The following PXDNL variants were observed in gnomAD, a reference collection of about 807,000 sequenced individuals.
PXDNL encodes probable oxidoreductase PXDNL.
In PXDNL, 145 loss-of-function variants were observed where a neutral mutation model predicts 150.8. That is an observed-to-expected ratio of 0.96 (90% CI 0.84 to 1.10). PXDNL has a LOEUF of 1.10. Among genes scored for constraint, PXDNL ranks in the 50% least tolerant of loss-of-function variants. The pLI, the probability that PXDNL is intolerant of heterozygous loss-of-function variation, is 0.00. For synonymous variants in PXDNL, 757 were observed against 725.7 expected (o/e 1.04, Z -0.69); for missense variants, 2,087 against 1,873.9 (o/e 1.11, Z -2.10).
At chr8:51,609,138 A>C (rs1813942587) in intron 2 of PXDNL, among the ~76,000 whole-genome samples, 1 of 152,248 alleles carries the variant, frequency 6.6e-6, no homozygotes, top group Admixed American at 6.5e-5. Flanking sequence ...TGCAAGGAGC[A>C]GTATTTAATA....
intron 14 of PXDNL, among the ~76,000 whole-genome samples, chr8:51,415,252 G>T (rs527542632): frequency 6.6e-6 from 1 of 152,308 alleles, no homozygotes; most frequent in South Asian, 2.1e-4. Context: ...AAGTATGGGT[G>T]TATTAGTCTG....
chr8:51,551,277 C>A (rs1812475997), intron 4 of PXDNL, among the ~76,000 whole-genome samples: 3 of 152,044 alleles, frequency 2.0e-5, no homozygotes, highest in Admixed American at 2.0e-4. Flanking sequence ...AAATTCAATA[C>A]AATTTCCACC....
At chr8:51,760,845 C>CTTTTTGTTTTT (rs2037154672) in intron 1 of PXDNL, among the ~76,000 whole-genome samples, 1 of 45,476 alleles carries the variant, frequency 2.2e-5, no homozygotes, top group Non-Finnish European at 3.8e-5. Context: ...ATCACTTAAA[C>CTTTTTGTTTTT]TTTTTTTTTT....
At chr8:51,717,369 A>C (rs974662334) in intron 1 of PXDNL, among the ~76,000 whole-genome samples, 3 of 152,234 alleles carry the variant, frequency 2.0e-5, no homozygotes, top group Non-Finnish European at 4.4e-5. Flanking sequence ...CATTCTAAGG[A>C]CACATTATCC....
At chr8:51,621,293 T>C (rs1172693963) in intron 2 of PXDNL, among the ~76,000 whole-genome samples, 1 of 152,222 alleles carries the variant, frequency 6.6e-6, no homozygotes, top group East Asian at 1.9e-4. Flanking sequence ...GTATTCTGTA[T>C]AATATAAATA....
intron 17 of PXDNL, among the ~76,000 whole-genome samples, chr8:51,398,012 T>C (rs1205484818): frequency 6.6e-6 from 1 of 151,800 alleles, no homozygotes; most frequent in African/African-American, 2.4e-5. Flanking sequence ...GGGAAAAATA[T>C]AATTTAGAAT....
At chr8:51,486,792 ATATTTTTTTTTTTTTTTTT>A (rs1442577168) in intron 5 of PXDNL, among the ~76,000 whole-genome samples, 8 of 23,512 alleles carry the variant, frequency 3.4e-4, no homozygotes, top group African/African-American at 1.6e-3. Context: ...ATATATATAT[ATATTTTTTTTTTTTTTTTT>A]TTTTTTTTTT....
chr8:51,386,584 T>C (rs953819008), intron 17 of PXDNL, among the ~76,000 whole-genome samples: 26 of 151,918 alleles, frequency 1.7e-4, no homozygotes, highest in African/African-American at 6.3e-4. Flanking sequence ...AGAGAGATAA[T>C]AGAAATAGAT....
At chr8:51,337,034 T>C (rs1322205760) in intron 21 of PXDNL, among the ~76,000 whole-genome samples, 1 of 152,138 alleles carries the variant, frequency 6.6e-6, no homozygotes, top group African/African-American at 2.4e-5. Context: ...CCCTGTGAAA[T>C]AGTCACAACT....
chr8:51,634,990 T>C (rs1410740211), intron 2 of PXDNL, among the ~76,000 whole-genome samples: 1 of 152,106 alleles, frequency 6.6e-6, no homozygotes, highest in African/African-American at 2.4e-5. Context: ...GTCTGATTTC[T>C]CTGAATAGGA....
intron 2 of PXDNL, among the ~76,000 whole-genome samples, chr8:51,637,389 G>A (rs996165832): frequency 2.2e-4 from 33 of 151,976 alleles, no homozygotes; most frequent in African/African-American, 6.3e-4. Context: ...GGCTTCAGAC[G>A]ATCAAACTTA....
At chr8:51,555,395 A>T (rs1240045499) in intron 4 of PXDNL, among the ~76,000 whole-genome samples, 1 of 152,214 alleles carries the variant, frequency 6.6e-6, no homozygotes, top group Non-Finnish European at 1.5e-5. Flanking sequence ...CTACAATGGC[A>T]ATTAAATTTC....
intron 17 of PXDNL, among the ~76,000 whole-genome samples, chr8:51,404,323 T>A (rs752059684): frequency 2.6e-5 from 4 of 152,226 alleles, no homozygotes; most frequent in Non-Finnish European, 5.9e-5. Context: ...TTGGTCCATT[T>A]TACAGAGAGC....
Position 51,570,365 on chromosome 8 carries a change from C to T in PXDNL, c.309-13454G>A, listed in dbSNP as rs185904431. ...GCGAAATTGTTTGAGCCATTAGGTT[C>T]GTCTTAGTCAGCATTACTTCTAAGA... On this transcript the variant is annotated intron_variant, in intron 3 of 22. Transcript: ENST00000356297. 1.6e-3 allele frequency among the ~76,000 whole-genome samples: 243 copies of T among 151,906 alleles called. 1 individual carries two copies. Among genetic ancestry groups the T allele is most frequent in the Middle Eastern group, 6.8e-3 (2 of 292 alleles).
intron 2 of PXDNL, among the ~76,000 whole-genome samples, chr8:51,607,606 C>T (rs1397680519): frequency 2.0e-5 from 3 of 150,396 alleles, no homozygotes; most frequent in Non-Finnish European, 4.4e-5. Context: ...TTTGGGAGGC[C>T]GAGGTGGGTG....
chr8:51,376,005 G>A (rs1461024831), intron 17 of PXDNL, among the ~76,000 whole-genome samples: 5 of 152,216 alleles, frequency 3.3e-5, no homozygotes, highest in Non-Finnish European at 7.3e-5. Context: ...TCTAGATTAC[G>A]TTGTGCAAGA....
intron 17 of PXDNL, 83 bp downstream of exon 17, chr8:51,407,984 A>C: frequency 7.8e-7 from 1 of 1,289,012 alleles, no homozygotes; most frequent in Admixed American, 2.8e-5. Context: ...CCAGGGAACC[A>C]AATTCCAGCC....
chr8:51,375,892 C>A (rs1017750737), intron 17 of PXDNL, among the ~76,000 whole-genome samples: 2 of 152,176 alleles, frequency 1.3e-5, no homozygotes, highest in African/African-American at 4.8e-5. Context: ...CCATAGACAA[C>A]ATATAAACAA....
intron 1 of PXDNL, among the ~76,000 whole-genome samples, chr8:51,667,061 A>G (rs1052812711): frequency 6.6e-6 from 1 of 152,076 alleles, no homozygotes; most frequent in African/African-American, 2.4e-5. Context: ...CATACTCATC[A>G]TCATCCCACC....
Sources: allele counts gnomAD v4.1 joint callset (sites outside exome capture counted in the v4.1 genomes callset), GRCh38; gene constraint gnomAD v4.1.1; transcripts MANE v1.5; gene names NCBI Gene and HGNC (gene_info 2026-07-23, HGNC 2026-07-21).